MYO1D: variants seen among roughly 807,000 people sequenced by gnomAD.
The protein encoded by MYO1D is unconventional myosin-Id.
MYO1D carries 83 observed loss-of-function variants against 122.0 expected under a neutral mutation model. The ratio of observed to expected loss-of-function variants is 0.68; its 90% confidence interval spans 0.57 to 0.82. MYO1D has a LOEUF of 0.82. MYO1D is among the 40% of genes least tolerant of loss of function. The probability of loss-of-function intolerance (pLI) is 0.00; values close to 1 mark genes in which losing one functional copy is unlikely to be tolerated. For missense variants in MYO1D, 1,157 were observed against 1,269.5 expected (o/e 0.91, Z 1.35); for synonymous variants, 464 against 446.9 (o/e 1.04, Z -0.48).
At chr17:32,674,839 T>C (rs1021001755) in intron 16 of MYO1D, among the ~76,000 whole-genome samples, 1 of 152,180 alleles carries the variant, frequency 6.6e-6, no homozygotes, top group Admixed American at 6.5e-5. Flanking sequence ...CAGTGCTCAC[T>C]ATAACAGAGA....
At chr17:32,620,613 T>G (rs1208719084) in intron 20 of MYO1D, among the ~76,000 whole-genome samples, 2 of 152,184 alleles carry the variant, frequency 1.3e-5, no homozygotes, top group African/African-American at 4.8e-5. Flanking sequence ...CTCTCCAGCA[T>G]TCAGAATCTT....
At chr17:32,853,414 A>C (rs2091005142) in intron 1 of MYO1D, among the ~76,000 whole-genome samples, 1 of 152,176 alleles carries the variant, frequency 6.6e-6, no homozygotes, top group Admixed American at 6.6e-5. Flanking sequence ...TGATGAATTT[A>C]TTCTTATTCT....
chr17:32,719,469 C>T (rs1267421492), intron 15 of MYO1D, among the ~76,000 whole-genome samples: 1 of 151,988 alleles, frequency 6.6e-6, no homozygotes, highest in African/African-American at 2.4e-5. Flanking sequence ...CCTGCCTCAG[C>T]CTCCCCGAGT....
intron 1 of MYO1D, among the ~76,000 whole-genome samples, chr17:32,789,912 CTTCT>C (rs1380611581): frequency 6.6e-6 from 1 of 152,306 alleles, no homozygotes; most frequent in East Asian, 1.9e-4. Context: ...AGACAATACA[CTTCT>C]TTATTTTAAG....
At chr17:32,671,557 A>G (rs2088721919) in intron 16 of MYO1D, among the ~76,000 whole-genome samples, 1 of 152,246 alleles carries the variant, frequency 6.6e-6, no homozygotes, top group Admixed American at 6.5e-5. Context: ...GTGGAGAACA[A>G]CTGCACAATG....
chr17:32,520,514 C>T (rs1910097525), intron 21 of MYO1D, among the ~76,000 whole-genome samples: 1 of 152,222 alleles, frequency 6.6e-6, no homozygotes, highest in South Asian at 2.1e-4. Context: ...CATATCTGTC[C>T]TGGGTCTGGA....
intron 14 of MYO1D, among the ~76,000 whole-genome samples, chr17:32,726,587 A>G (rs891626981): frequency 6.7e-6 from 1 of 150,064 alleles, no homozygotes; most frequent in African/African-American, 2.4e-5. Flanking sequence ...TATTATATCT[A>G]TATCATCTAA....
intron 15 of MYO1D, among the ~76,000 whole-genome samples, chr17:32,712,494 A>G (rs1051042444): frequency 6.6e-6 from 1 of 152,196 alleles, no homozygotes; most frequent in African/African-American, 2.4e-5. Context: ...TTCTTTTTAC[A>G]AACAGATACA....
chr17:32,820,854 C>G lies in MYO1D; in HGVS notation c.96-40070G>C, dbSNP rs1012759006. On this transcript the variant is annotated intron_variant, in intron 1 of 21. Coordinates refer to ENST00000318217, the MANE Select transcript of MYO1D (RefSeq NM_015194.3). ...TATACTTTAAGTATATATATTTTTT[C>G]TGTTCATTCTTCCTACTTTTTCTTT... Among the ~76,000 whole-genome samples the G allele has an allele frequency of 8.5e-5, 13 of 152,084 alleles. 1 individual carries two copies. The highest frequency in any genetic ancestry group is 7.2e-4 in the Admixed American group (11 of 15,272).
intron 10 of MYO1D, among the ~76,000 whole-genome samples, chr17:32,757,807 CCA>C (rs2089964203): frequency 6.6e-6 from 1 of 152,110 alleles, no homozygotes; most frequent in African/African-American, 2.4e-5. Flanking sequence ...CTAAGTTCTT[CCA>C]GCAACTTGGC....
intron 16 of MYO1D, among the ~76,000 whole-genome samples, chr17:32,684,906 A>T (rs527398559): frequency 1.4e-4 from 22 of 152,314 alleles, no homozygotes; most frequent in African/African-American, 5.3e-4. Flanking sequence ...CTTCATCTTA[A>T]ATCAGCTGGT....
At chr17:32,645,738 T>C (rs2088282704) in intron 19 of MYO1D, among the ~76,000 whole-genome samples, 1 of 152,238 alleles carries the variant, frequency 6.6e-6, no homozygotes, top group Non-Finnish European at 1.5e-5. Context: ...TCTCGTGCCA[T>C]GGTTTTCAGC....
rs752448373 is a variant in MYO1D at position 32,760,616 on chromosome 17, C to G, written c.1047G>C (p.Glu349Asp). ...GAGTAACGATCCAACAAAAAAGGCG[C>G]TCATATATTGCCTGCAAGGAAAATA... Reference protein sequence around the residue: ...GRDAFAKAIYERLFCWIVTRI... With the variant: ...GRDAFAKAIYDRLFCWIVTRI... Residue 349 changes from glutamate to aspartate, a missense_variant, in exon 9 of 22, where the codon GAG becomes GAC. Glu to Asp is a conservative substitution (Grantham distance 45). Coordinates refer to ENST00000318217, the MANE Select transcript of MYO1D (RefSeq NM_015194.3). 3.1e-6 allele frequency: 5 copies of G among 1,607,126 alleles called. No homozygotes were observed. Among genetic ancestry groups the G allele is most frequent in the Non-Finnish European group, 4.2e-6 (5 of 1,177,366 alleles).
At chr17:32,636,313 A>T (rs2088098934) in intron 20 of MYO1D, among the ~76,000 whole-genome samples, 1 of 152,130 alleles carries the variant, frequency 6.6e-6, no homozygotes, top group African/African-American at 2.4e-5. Context: ...CTTCTCCAAC[A>T]CTATTATTAG....
At chr17:32,845,534 A>G (rs1487188607) in intron 1 of MYO1D, among the ~76,000 whole-genome samples, 2 of 151,950 alleles carry the variant, frequency 1.3e-5, no homozygotes, top group East Asian at 1.9e-4. Context: ...GCAGGGAAGT[A>G]TAATTCCCCC....
At chr17:32,851,192 C>T (rs2090985122) in intron 1 of MYO1D, among the ~76,000 whole-genome samples, 1 of 152,210 alleles carries the variant, frequency 6.6e-6, no homozygotes, top group African/African-American at 2.4e-5. Flanking sequence ...CCCCCACTCT[C>T]AGCCAACATC....
intron 1 of MYO1D, among the ~76,000 whole-genome samples, chr17:32,844,670 A>G (rs2090919040): frequency 6.6e-6 from 1 of 151,944 alleles, no homozygotes; most frequent in Non-Finnish European, 1.5e-5. Flanking sequence ...GGCTGCAGTG[A>G]GCTATGATCA....
chr17:32,629,718 G>A (rs1443446601), intron 20 of MYO1D, among the ~76,000 whole-genome samples: 1 of 141,090 alleles, frequency 7.1e-6, no homozygotes, highest in Admixed American at 7.3e-5. Flanking sequence ...GTGACAAAGC[G>A]AGATTTCATC....
Position 32,712,054 on chromosome 17 carries a change from T to C in MYO1D, c.2055A>G (p.Arg685=). The change falls in exon 16 of 22, where the codon CGA becomes CGG. Residue 685 remains arginine, a synonymous_variant. Transcript: ENST00000318217. ...GGAGTTCTTCCAAGGTAAACAATGT[T>C]CGGGGTGTTCGAATGAAAATTTTGG... ...GKTKIFIRTP[R]TLFTLEELRA... The C allele has an allele frequency of 6.2e-7, 1 of 1,614,136 alleles. No individual in the cohort carries two copies. Among genetic ancestry groups the C allele is most frequent in the Non-Finnish European group, 8.5e-7 (1 of 1,180,006 alleles).
Sources: allele counts gnomAD v4.1 joint callset (sites outside exome capture counted in the v4.1 genomes callset), GRCh38; gene constraint gnomAD v4.1.1; transcripts MANE v1.5; gene names NCBI Gene and HGNC (gene_info 2026-07-23, HGNC 2026-07-21).